The following NBPF12 variants were observed in gnomAD, a reference collection of about 807,000 sequenced individuals.
NBPF12 encodes NBPF family member NBPF12.
NBPF12 carries 115 observed loss-of-function variants against 146.4 expected under a neutral mutation model. The ratio of observed to expected loss-of-function variants is 0.79; its 90% CI spans 0.68 to 0.92. The LOEUF (loss-of-function observed/expected upper bound fraction) is 0.92, where lower values mean the gene tolerates loss of function less well. Ranked by LOEUF, NBPF12 falls within the 40% of genes least tolerant of loss-of-function variation. The pLI is 0.00. For synonymous variants in NBPF12, 385 were observed against 508.9 expected (o/e 0.76, Z 3.28); for missense variants, 1,205 against 1,326.8 (o/e 0.91, Z 1.43).
intron 4 of NBPF12, 101 bp downstream of exon 7, chr1:146,960,419 C>G (rs1378099615): frequency 4.6e-6 from 3 of 659,318 alleles, no homozygotes; most frequent in South Asian, 1.8e-5. Flanking sequence ...TTCATCCTTC[C>G]TGTACTTCTA....
At position 146,963,555 on chromosome 1, in the gene NBPF12, A is replaced by G. The variant is rs1202114070; in HGVS notation, c.493+246A>G. Among the ~76,000 whole-genome samples the G allele has an allele frequency of 5.9e-3, 896 of 152,018 alleles. 13 individuals are homozygous for G. Among genetic ancestry groups the G allele is most frequent in the African/African-American group, 0.02 (835 of 41,372 alleles). ...GTCTTTGGAGCAAAAGGCAGCATCT[A>G]TCTAGTTTTAAAGGACAGGAAGGAG... is the stretch of plus-strand genomic sequence containing the variant. On this transcript the variant is annotated intron_variant, in intron 6 of 33. Transcript: ENST00000617844.
intron 31 of NBPF12, among the ~76,000 whole-genome samples, chr1:146,992,458 CTCTCTGTG>C (rs1425367625): frequency 5.5e-4 from 55 of 99,490 alleles, no homozygotes; most frequent in African/African-American, 2.0e-3. Context: ...CTCTCTCTCT[CTCTCTGTG>C]TGTGTGTGTG....
intron 19 of NBPF12, among the ~76,000 whole-genome samples, chr1:146,980,367 C>A (rs1465584308): frequency 6.6e-6 from 1 of 152,058 alleles, no homozygotes; most frequent in Non-Finnish European, 1.5e-5. Flanking sequence ...ATGATGTTTG[C>A]TGGTTATTTC....
intron 1 of NBPF12, among the ~76,000 whole-genome samples, chr1:146,940,000 C>G (rs1454610017): frequency 1.3e-5 from 2 of 149,294 alleles, no homozygotes; most frequent in African/African-American, 4.9e-5. Flanking sequence ...AAAAAAAAGC[C>G]TTTTCTTGCA....
chr1:146,965,564 CGAGGTCAG>C (rs1240093681), intron 8 of NBPF12, among the ~76,000 whole-genome samples: 2 of 148,388 alleles, frequency 1.3e-5, no homozygotes, highest in African/African-American at 2.5e-5. Flanking sequence ...GGGTGGATCA[CGAGGTCAG>C]GAGATTGAGA....
At chr1:146,951,893 T>G (rs1483915851) in intron 2 of NBPF12, 11 of 183,306 alleles carry the variant, frequency 6.0e-5, no homozygotes, top group African/African-American at 1.9e-4. Context: ...CCCAAGAGTG[T>G]CTTATCTGAA....
intron 25 of NBPF12, among the ~76,000 whole-genome samples, 166 bp downstream of exon 28, chr1:146,987,451 CATTT>C (rs1657842690): frequency 6.6e-6 from 1 of 152,078 alleles, no homozygotes; most frequent in Non-Finnish European, 1.5e-5. Context: ...TTTAGGTTTC[CATTT>C]CTTCCTCCCC....
chr1:146,980,454 G>A (rs1392754626), intron 19 of NBPF12, among the ~76,000 whole-genome samples: 17 of 151,894 alleles, frequency 1.1e-4, no homozygotes, highest in East Asian at 1.9e-4. Flanking sequence ...GGCTGGTACC[G>A]GTTGTTCCTT....
chr1:146,966,370 C>T (rs1166890566), intron 8 of NBPF12, 94 bp from the exon 12 acceptor site: 2 of 1,101,690 alleles, frequency 1.8e-6, no homozygotes, highest in South Asian at 1.2e-5. Context: ...CGAATAAGTA[C>T]ACAAGGCTGC....
chr1:146,957,618 G>A (rs1655651371), intron 2 of NBPF12: 1 of 134,030 alleles, frequency 7.5e-6, no homozygotes, highest in African/African-American at 2.7e-5. Context: ...TGCCCACAAT[G>A]GCCGTGTCCT....
chr1:146,963,708 C>T (rs1393238759), intron 6 of NBPF12, among the ~76,000 whole-genome samples: 27,681 of 150,988 alleles, frequency 0.18, 2,747 homozygotes, highest in Middle Eastern at 0.25. Context: ...GAGTTTCTCT[C>T]TCTCCATCTG....
chr1:146,971,926 A>C (rs1198089057), intron 13 of NBPF12, among the ~76,000 whole-genome samples: 1 of 26,478 alleles, frequency 3.8e-5, no homozygotes, highest in African/African-American at 2.2e-4. Context: ...AAAAATACAA[A>C]AAAAAAAAAA....
At chr1:146,981,402 A>T (rs1271386391) in intron 19 of NBPF12, among the ~76,000 whole-genome samples, 4 of 150,294 alleles carry the variant, frequency 2.7e-5, no homozygotes, top group Non-Finnish European at 3.0e-5. Context: ...TCTGGCTTGT[A>T]GGGTTTGTGC....
chr1:146,960,361 T>C (rs1655773201), intron 4 of NBPF12, 43 bp downstream of exon 7: 2 of 1,474,692 alleles, frequency 1.4e-6, no homozygotes, highest in Non-Finnish European at 9.4e-7. Flanking sequence ...ATGAATGATG[T>C]CCTGTCTTCT....
upstream of NBPF12, among the ~76,000 whole-genome samples, chr1:146,945,037 T>C: frequency 8.7e-6 from 1 of 114,626 alleles, no homozygotes; most frequent in African/African-American, 3.3e-5. Flanking sequence ...CCTTCCTCCC[T>C]CCCTCCCTGC....
At position 146,963,460 on chromosome 1, in the gene NBPF12, C is replaced by A. The variant is rs1655993779; in HGVS notation, c.493+151C>A. Among the ~76,000 whole-genome samples the A allele has an allele frequency of 3.9e-5, 6 of 152,124 alleles. No homozygotes were observed. The South Asian group carries it at 1.2e-3, about 32-fold the overall frequency. Reference sequence around the variant, plus strand: ...ATGATCAGGACTTCCTGGGTAAGAACAGAAATGGGAAACCCATGGGTTTGG... The same window carrying A: ...ATGATCAGGACTTCCTGGGTAAGAAAAGAAATGGGAAACCCATGGGTTTGG... On this transcript the variant is annotated intron_variant, in intron 6 of 33. Coordinates refer to ENST00000617844, the Ensembl canonical transcript of NBPF12.
At chr1:146,975,507 G>A (rs1656934439) in intron 15 of NBPF12, among the ~76,000 whole-genome samples, 170 bp from the exon 19 acceptor site, 2 of 148,254 alleles carry the variant, frequency 1.3e-5, no homozygotes, top group Non-Finnish European at 3.0e-5. Context: ...GAGGAAGCCT[G>A]TAAACCATTT....
At chr1:146,975,203 G>A (rs1277786838) in intron 15 of NBPF12, among the ~76,000 whole-genome samples, 2 of 137,212 alleles carry the variant, frequency 1.5e-5, no homozygotes, top group African/African-American at 5.9e-5. Context: ...GACTGACTGC[G>A]GCTTCTCATT....
At position 146,969,650 on chromosome 1, in the gene NBPF12, C is replaced by T. The variant is rs1452150365; in HGVS notation, c.1306+54C>T. 3 of 1,546,202 alleles carry T rather than the reference C, an allele frequency of 1.9e-6. 1 individual carries two copies. The African/African-American group carries it at 4.1e-5, about 21-fold the overall frequency. ...AAAACCCCAGGCTTATGAGAGGCTC[C>T]AGACCTCCATACTTTCACAATGACA... is the stretch of plus-strand genomic sequence containing the variant. On this transcript the variant is annotated intron_variant, in intron 11 of 33. Transcript: ENST00000617844.
Sources: gnomAD v4.1 joint callset for allele counts (sites outside exome capture counted in the v4.1 genomes callset) on GRCh38, gnomAD v4.1.1 for gene constraint, MANE v1.5 for transcripts, NCBI Gene and HGNC (gene_info 2026-07-23, HGNC 2026-07-21) for gene names.